The following TNS1 variants were observed in gnomAD, a reference collection of about 807,000 sequenced individuals.
The protein encoded by TNS1 is tensin-1.
In TNS1, 62 loss-of-function variants were observed where a neutral mutation model predicts 168.6. The observed-to-expected ratio is 0.37, with a 90% CI of 0.30 to 0.45. The LOEUF (loss-of-function observed/expected upper bound fraction) is 0.45, where lower values mean the gene tolerates loss of function less well. Ranked by LOEUF, TNS1 falls within the 20% of genes least tolerant of loss-of-function variation. The pLI, the probability that TNS1 is intolerant of heterozygous loss-of-function variation, is 1.00. For missense variants in TNS1, 2,240 were observed against 2,339.4 expected (o/e 0.96, Z 0.88); for synonymous variants, 934 against 933.2 (o/e 1.00, Z -0.02).
chr2:217,897,675 T>TAAACAAAGAG, intron 8 of TNS1, 123 bp downstream of exon 8: 1 of 1,093,346 alleles, frequency 9.1e-7, no homozygotes. Flanking sequence ...GAAAGGCAGA[T>TAAACAAAGAG]AAACAAAGAG....
In TNS1 at chr2:217,886,119, T is replaced by G. The variant is rs1951177751; in HGVS notation, c.980-15A>C. 3.7e-6 allele frequency: 6 copies of G among 1,607,404 alleles called. No homozygotes were observed. The African/African-American group carries it at 4.1e-5, about 11-fold the overall frequency. On this transcript the variant is annotated splice_polypyrimidine_tract_variant and intron_variant, in intron 13 of 32. Coordinates refer to ENST00000682258, the MANE Select transcript of TNS1 (RefSeq NM_001387777.1). ...TGGCCGACATCCTGTAAAAGTGGGG[T>G]GGGTGTTAGCTAAGACAGCAGAAAC... is the stretch of plus-strand genomic sequence containing the variant.
chr2:217,829,623 C>A (rs1944119255), intron 22 of TNS1, among the ~76,000 whole-genome samples: 1 of 152,130 alleles, frequency 6.6e-6, no homozygotes, highest in Non-Finnish European at 1.5e-5. Flanking sequence ...ACTGGCTGTG[C>A]CTGAGCCAGC....
chr2:217,851,996 T>C (rs766625976), intron 18 of TNS1, among the ~76,000 whole-genome samples: 11 of 151,982 alleles, frequency 7.2e-5, no homozygotes, highest in Non-Finnish European at 4.4e-5. Flanking sequence ...ATACAAAAAA[T>C]TAGCCAGGCG....
At chr2:217,805,504 C>CCACACACACCACAAACA (rs1559131945) in intron 32 of TNS1, among the ~76,000 whole-genome samples, 4 of 58,212 alleles carry the variant, frequency 6.9e-5, no homozygotes, top group African/African-American at 3.3e-4. Flanking sequence ...ACCACACACA[C>CCACACACACCACAAACA]CACCACACAC....
chr2:218,002,222 G>A (rs1223594478), intron 1 of TNS1, among the ~76,000 whole-genome samples: 2 of 152,194 alleles, frequency 1.3e-5, no homozygotes, highest in African/African-American at 2.4e-5. Flanking sequence ...GGAGCCAAGA[G>A]AGAAAGGGGG....
chr2:217,913,958 G>A (rs1326514605), intron 4 of TNS1, among the ~76,000 whole-genome samples: 2 of 152,160 alleles, frequency 1.3e-5, no homozygotes, highest in East Asian at 3.9e-4. Context: ...GCCAGCAAGA[G>A]AGACTTGCCC....
At chr2:217,979,298 C>T (rs185851850) in intron 2 of TNS1, among the ~76,000 whole-genome samples, 80 of 152,200 alleles carry the variant, frequency 5.3e-4, no homozygotes, top group African/African-American at 1.9e-3. Flanking sequence ...ATACACATTA[C>T]ACCCACACCC....
chr2:217,983,886 C>T (rs371637597), intron 2 of TNS1, among the ~76,000 whole-genome samples: 2 of 152,294 alleles, frequency 1.3e-5, no homozygotes, highest in South Asian at 2.1e-4. Flanking sequence ...CCTAGATATT[C>T]GGTGAAACAC....
chr2:217,822,901 G>A (rs778674097), intron 22 of TNS1, among the ~76,000 whole-genome samples: 37 of 152,284 alleles, frequency 2.4e-4, no homozygotes, highest in Non-Finnish European at 2.9e-4. Flanking sequence ...GCCATGATCC[G>A]GGAGGAATGT....
At chr2:218,019,540 G>A (rs1403003587) in intron 1 of TNS1, among the ~76,000 whole-genome samples, 1 of 152,168 alleles carries the variant, frequency 6.6e-6, no homozygotes, top group Non-Finnish European at 1.5e-5. Flanking sequence ...GGACTCACGG[G>A]GCCTCTTTCC....
chr2:217,994,396 C>T (rs988660735), intron 1 of TNS1, among the ~76,000 whole-genome samples: 1 of 152,032 alleles, frequency 6.6e-6, no homozygotes, highest in Admixed American at 6.5e-5. Context: ...TAAGGGCTGT[C>T]TGGGGGAGGC....
At chr2:218,017,435 G>A (rs562896383) in intron 1 of TNS1, among the ~76,000 whole-genome samples, 165 of 152,342 alleles carry the variant, frequency 1.1e-3, no homozygotes, top group African/African-American at 3.8e-3. Flanking sequence ...CTGGGGCACT[G>A]CCCCTCTGGG....
chr2:217,933,223 G>A (rs374737336), intron 3 of TNS1, among the ~76,000 whole-genome samples: 1 of 152,182 alleles, frequency 6.6e-6, no homozygotes, highest in Admixed American at 6.5e-5. Context: ...CTGAAACCAG[G>A]TCTGGAGGGG....
intron 18 of TNS1, among the ~76,000 whole-genome samples, chr2:217,862,284 A>G (rs1948854089): frequency 6.6e-6 from 1 of 152,184 alleles, no homozygotes; most frequent in Non-Finnish European, 1.5e-5. Flanking sequence ...GGAAAAAAAA[A>G]GACAATTTTT....
chr2:217,838,696 G>T (rs1198616386), intron 19 of TNS1, among the ~76,000 whole-genome samples: 1 of 152,160 alleles, frequency 6.6e-6, no homozygotes, highest in Non-Finnish European at 1.5e-5. Flanking sequence ...GTCCCCCTTG[G>T]CAAGCCCAGA....
intron 3 of TNS1, among the ~76,000 whole-genome samples, chr2:217,957,427 T>A (rs1379281366): frequency 6.6e-6 from 1 of 152,012 alleles, no homozygotes; most frequent in East Asian, 1.9e-4. Flanking sequence ...AGGCTGTACA[T>A]GAGAGGGAGC....
At chr2:217,912,148 G>C (rs1954485660) in intron 4 of TNS1, among the ~76,000 whole-genome samples, 1 of 152,270 alleles carries the variant, frequency 6.6e-6, no homozygotes, top group Non-Finnish European at 1.5e-5. Context: ...GAAGGTTGGG[G>C]GGTGGCTGCC....
intron 23 of TNS1, among the ~76,000 whole-genome samples, chr2:217,820,731 C>T (rs965687215): frequency 2.0e-5 from 3 of 152,120 alleles, no homozygotes; most frequent in Non-Finnish European, 4.4e-5. Context: ...TTTCCTATGC[C>T]GTCATCCCAT....
intron 3 of TNS1, among the ~76,000 whole-genome samples, chr2:217,958,400 C>T (rs1030424118): frequency 1.3e-4 from 20 of 152,222 alleles, no homozygotes; most frequent in Admixed American, 1.0e-3. Flanking sequence ...CGTCTGCATC[C>T]TGAGCATGCA....
Sources: allele counts gnomAD v4.1 joint callset (sites outside exome capture counted in the v4.1 genomes callset), GRCh38; gene constraint gnomAD v4.1.1; transcripts MANE v1.5; gene names NCBI Gene and HGNC (gene_info 2026-07-23, HGNC 2026-07-21).